The following VPS13A variants were observed in gnomAD, a reference collection of about 807,000 sequenced individuals.
VPS13A encodes the protein vacuolar protein sorting 13 homolog A.
Under a neutral mutation model 390.9 loss-of-function variants are expected in VPS13A, and 264 were observed. That is an observed-to-expected ratio of 0.68 (90% CI 0.61 to 0.75). The LOEUF is 0.75. Ranked by LOEUF, VPS13A falls within the 30% of genes least tolerant of loss-of-function variation. The pLI, the probability that VPS13A is intolerant of heterozygous loss-of-function variation, is 0.00. For missense variants in VPS13A, 3,409 were observed against 3,733.9 expected, an observed-to-expected ratio of 0.91 and a Z score of 2.27; for synonymous variants, 1,231 against 1,227.1, an observed-to-expected ratio of 1.00 and a Z score of -0.07.
At chr9:77,380,278 A>T (rs146862737) in intron 67 of VPS13A, among the ~76,000 whole-genome samples, 1 of 151,046 alleles carries the variant, frequency 6.6e-6, no homozygotes, top group East Asian at 1.9e-4. Context: ...TTGTTAGATC[A>T]TATTTTTTTT....
intron 1 of VPS13A, among the ~76,000 whole-genome samples, chr9:77,193,800 T>G (rs1589977105): frequency 6.6e-6 from 1 of 152,310 alleles, no homozygotes; most frequent in South Asian, 2.1e-4. Flanking sequence ...ATCCTTTGAA[T>G]GAGGCTTTTT....
At chr9:77,235,264 TC>T (rs1490168555) in intron 17 of VPS13A, among the ~76,000 whole-genome samples, 1 of 152,200 alleles carries the variant, frequency 6.6e-6, no homozygotes, top group Non-Finnish European at 1.5e-5. Context: ...TTTTTGTTCA[TC>T]TGGAAATGTG....
chr9:77,336,641 T>C (rs1830550823), intron 46 of VPS13A, among the ~76,000 whole-genome samples: 1 of 152,056 alleles, frequency 6.6e-6, no homozygotes, highest in South Asian at 2.1e-4. Context: ...TTCTATGTGG[T>C]TTTCTTTGCA....
intron 1 of VPS13A, among the ~76,000 whole-genome samples, chr9:77,199,234 C>T (rs745457806): frequency 4.6e-5 from 7 of 152,062 alleles, no homozygotes; most frequent in African/African-American, 7.2e-5. Context: ...AATGAGGTCT[C>T]GCTGTGTTGC....
intron 8 of VPS13A, 24 bp downstream of exon 8, chr9:77,213,052 A>G: frequency 1.2e-6 from 2 of 1,613,044 alleles, no homozygotes; most frequent in Non-Finnish European, 8.5e-7. Flanking sequence ...GTGTTTGTCA[A>G]CTCATGGACT....
intron 31 of VPS13A, among the ~76,000 whole-genome samples, chr9:77,285,373 T>A (rs2131354815): frequency 6.6e-6 from 1 of 152,350 alleles, no homozygotes; most frequent in South Asian, 2.1e-4. Flanking sequence ...AGCAGCATCC[T>A]CCATTTACTG....
At chr9:77,361,997 G>A (rs1451499864) in intron 59 of VPS13A, among the ~76,000 whole-genome samples, 5 of 151,962 alleles carry the variant, frequency 3.3e-5, no homozygotes, top group South Asian at 2.1e-4. Flanking sequence ...CAGATCCTTT[G>A]CTTATTATTT....
At chr9:77,296,040 G>A (rs915652406) in intron 33 of VPS13A, among the ~76,000 whole-genome samples, 194 bp downstream of exon 33, 5 of 152,102 alleles carry the variant, frequency 3.3e-5, no homozygotes, top group African/African-American at 9.7e-5. Flanking sequence ...CCTAGAAAGT[G>A]TTTGAAAATT....
intron 50 of VPS13A, among the ~76,000 whole-genome samples, chr9:77,342,014 A>G (rs999458071): frequency 3.9e-5 from 6 of 152,228 alleles, no homozygotes; most frequent in Admixed American, 3.9e-4. Context: ...ATGTAGGATA[A>G]GGGACATTGA....
chr9:77,214,552 C>A, intron 10 of VPS13A, among the ~76,000 whole-genome samples, 166 bp downstream of exon 10: 1 of 151,900 alleles, frequency 6.6e-6, no homozygotes, highest in South Asian at 2.1e-4. Context: ...TTTTTAGTAA[C>A]GTATTTTATT....
chr9:77,369,187 A>C (rs1326383523), intron 62 of VPS13A, 112 bp from the exon 63 acceptor site: 3 of 778,388 alleles, frequency 3.9e-6, no homozygotes, highest in Non-Finnish European at 6.8e-6. Flanking sequence ...TAGGAGTTGA[A>C]ATTGGCATTA....
chr9:77,407,917 G>GTGTT (rs993670988), intron 71 of VPS13A, among the ~76,000 whole-genome samples: 50 of 152,038 alleles, frequency 3.3e-4, no homozygotes, highest in African/African-American at 1.2e-3. Flanking sequence ...TTTTGTTTTA[G>GTGTT]TGTTAATCCA....
At chr9:77,210,489 C>A in intron 6 of VPS13A, 127 bp from the exon 7 acceptor site, 1 of 854,296 alleles carries the variant, frequency 1.2e-6, no homozygotes, top group Non-Finnish European at 1.9e-6. Context: ...AGCAGTCCTC[C>A]TGCCTTGGCC....
chr9:77,244,294 G>A (rs1218235743), intron 19 of VPS13A, among the ~76,000 whole-genome samples: 1 of 152,070 alleles, frequency 6.6e-6, no homozygotes, highest in Non-Finnish European at 1.5e-5. Flanking sequence ...CTGAGACAGC[G>A]TTCCCTAGGA....
chr9:77,408,879 G>C (rs1452285367), intron 71 of VPS13A, among the ~76,000 whole-genome samples: 1 of 152,232 alleles, frequency 6.6e-6, no homozygotes, highest in African/African-American at 2.4e-5. Flanking sequence ...GCAGGGCACA[G>C]CCAAACAAAA....
Position 77,209,416 on chromosome 9 carries a change from A to G in VPS13A, c.386-7A>G. The G allele has an allele frequency of 6.3e-7, 1 of 1,591,732 alleles. No individual in the cohort carries two copies. The highest frequency in any genetic ancestry group is 8.6e-7 in the Non-Finnish European group (1 of 1,160,630). ...CAATTTTAAAAAAGGAATATTTGCA[A>G]TTGTAGAACAACATCTGCCGGAAAA... On this transcript the variant is annotated splice_region_variant and splice_polypyrimidine_tract_variant and intron_variant, in intron 5 of 71. Coordinates refer to ENST00000360280, the MANE Select transcript of VPS13A (RefSeq NM_033305.3).
chr9:77,385,403 T>C (rs1833640812), intron 68 of VPS13A, among the ~76,000 whole-genome samples: 1 of 151,892 alleles, frequency 6.6e-6, no homozygotes, highest in Non-Finnish European at 1.5e-5. Flanking sequence ...TTAATAGTCA[T>C]TATATTCACT....
intron 5 of VPS13A, 48 bp from the exon 6 acceptor site, chr9:77,209,375 G>C (rs1280948683): frequency 2.3e-6 from 3 of 1,285,490 alleles, no homozygotes; most frequent in East Asian, 2.4e-5. Context: ...GATATTTATA[G>C]AGTATATTTT....
intron 68 of VPS13A, among the ~76,000 whole-genome samples, chr9:77,388,953 T>C (rs1026627262): frequency 3.9e-5 from 6 of 152,168 alleles, no homozygotes; most frequent in African/African-American, 1.4e-4. Flanking sequence ...TGACATTGAT[T>C]CTCAGTTGAC....
Sources: allele counts gnomAD v4.1 joint callset (sites outside exome capture counted in the v4.1 genomes callset), GRCh38; gene constraint gnomAD v4.1.1; transcripts MANE v1.5; gene names NCBI Gene and HGNC (gene_info 2026-07-23, HGNC 2026-07-21).